LRMDA: variants seen among roughly 807,000 people sequenced by gnomAD.
The protein encoded by LRMDA is leucine rich melanocyte differentiation associated, also known as leucine-rich melanocyte differentiation-associated protein.
A neutral mutation model predicts 29.8 loss-of-function variants in LRMDA; 18 were observed. The observed-to-expected ratio is 0.60, with a 90% CI of 0.42 to 0.90. LRMDA has a LOEUF of 0.90. Ranked by LOEUF, LRMDA falls within the 40% of genes least tolerant of loss-of-function variation. The probability of loss-of-function intolerance (pLI) is 0.00; values close to 1 mark genes in which losing one functional copy is unlikely to be tolerated. For missense variants in LRMDA, 273 were observed against 273.9 expected (o/e 1.00, Z 0.02); for synonymous variants, 125 against 109.4 (o/e 1.14, Z -0.89).
intron 2 of LRMDA, among the ~76,000 whole-genome samples, chr10:75,776,593 C>T (rs956972788): frequency 6.6e-6 from 1 of 152,202 alleles, no homozygotes; most frequent in African/African-American, 2.4e-5. Flanking sequence ...ATATTTGTAT[C>T]AGTTACCAGA....
chr10:76,514,043 T>C (rs1843035690), intron 6 of LRMDA, among the ~76,000 whole-genome samples: 1 of 152,202 alleles, frequency 6.6e-6, no homozygotes, highest in Non-Finnish European at 1.5e-5. Context: ...CCACAGCTTA[T>C]GCTAGAATAG....
At chr10:75,949,863 T>C (rs1486274131) in intron 2 of LRMDA, among the ~76,000 whole-genome samples, 1 of 152,192 alleles carries the variant, frequency 6.6e-6, no homozygotes, top group Non-Finnish European at 1.5e-5. Flanking sequence ...ATTTCCATTT[T>C]GCCCCAAGAT....
intron 2 of LRMDA, among the ~76,000 whole-genome samples, chr10:75,613,657 A>T (rs370950461): frequency 6.6e-6 from 1 of 152,266 alleles, no homozygotes; most frequent in East Asian, 1.9e-4. Flanking sequence ...AAGATTTCTT[A>T]TGCAAAATGG....
At chr10:75,862,608 G>T (rs1312821842) in intron 2 of LRMDA, among the ~76,000 whole-genome samples, 1 of 152,158 alleles carries the variant, frequency 6.6e-6, no homozygotes, top group Non-Finnish European at 1.5e-5. Flanking sequence ...TAATTCAGGG[G>T]AGATTTACTT....
At chr10:75,623,294 TGGGC>T (rs1564525051) in intron 2 of LRMDA, among the ~76,000 whole-genome samples, 1 of 152,130 alleles carries the variant, frequency 6.6e-6, no homozygotes, top group East Asian at 1.9e-4. Context: ...CCCTTGAAAG[TGGGC>T]TCTGCTCCCC....
chr10:75,653,554 C>A (rs1388594839), intron 2 of LRMDA, among the ~76,000 whole-genome samples: 2 of 152,086 alleles, frequency 1.3e-5, no homozygotes, highest in South Asian at 2.1e-4. Flanking sequence ...CAGTTGAATA[C>A]AATATACTGT....
intron 2 of LRMDA, among the ~76,000 whole-genome samples, chr10:75,850,464 T>G (rs1336291347): frequency 6.6e-6 from 1 of 152,186 alleles, no homozygotes; most frequent in Non-Finnish European, 1.5e-5. Context: ...AAAAACATTA[T>G]TTTCTTTCTT....
At chr10:76,144,443 T>C (rs1850270603) in intron 5 of LRMDA, among the ~76,000 whole-genome samples, 1 of 152,128 alleles carries the variant, frequency 6.6e-6, no homozygotes. Context: ...TATTTTATTC[T>C]CTTTGAAACA....
chr10:76,294,436 G>A (rs1023906755), intron 5 of LRMDA, among the ~76,000 whole-genome samples: 10 of 152,098 alleles, frequency 6.6e-5, no homozygotes, highest in South Asian at 2.1e-4. Context: ...CCCAAAGAAC[G>A]TATAAAACAC....
intron 2 of LRMDA, among the ~76,000 whole-genome samples, chr10:75,504,525 A>T (rs1163566058): frequency 1.3e-5 from 2 of 152,162 alleles, no homozygotes; most frequent in Non-Finnish European, 2.9e-5. Flanking sequence ...ACAAATGGAG[A>T]TATTGTAAGA....
At chr10:76,109,296 C>T (rs1298606173) in intron 5 of LRMDA, among the ~76,000 whole-genome samples, 1 of 152,200 alleles carries the variant, frequency 6.6e-6, no homozygotes, top group Non-Finnish European at 1.5e-5. Flanking sequence ...TTTTGGTCTG[C>T]TGGTAAAAGA....
chr10:76,299,156 C>CGGGTGTGTGT (rs1840448030), intron 5 of LRMDA, among the ~76,000 whole-genome samples: 1 of 147,206 alleles, frequency 6.8e-6, no homozygotes, highest in Admixed American at 6.8e-5. Context: ...AGAGAAGAGC[C>CGGGTGTGTGT]GTGTGTGTGT....
intron 2 of LRMDA, among the ~76,000 whole-genome samples, chr10:75,819,517 T>C (rs1844120108): frequency 1.3e-5 from 2 of 152,228 alleles, no homozygotes; most frequent in Admixed American, 1.3e-4. Context: ...ACCTTTAAAA[T>C]TGCCTTACCT....
At chr10:76,409,103 C>A (rs569508985) in intron 6 of LRMDA, among the ~76,000 whole-genome samples, 59 of 152,256 alleles carry the variant, frequency 3.9e-4, no homozygotes, top group African/African-American at 1.3e-3. Flanking sequence ...TGTCACTTGT[C>A]CAGGTGATTT....
At chr10:75,841,823 T>A (rs1253641247) in intron 2 of LRMDA, among the ~76,000 whole-genome samples, 3 of 152,210 alleles carry the variant, frequency 2.0e-5, no homozygotes, top group Non-Finnish European at 4.4e-5. Context: ...CCAGAACTGA[T>A]CTTGGTCTCC....
intron 2 of LRMDA, among the ~76,000 whole-genome samples, chr10:75,556,096 G>A (rs1237812484): frequency 6.6e-6 from 1 of 151,912 alleles, no homozygotes; most frequent in Non-Finnish European, 1.5e-5. Context: ...GGGTGGGGGT[G>A]AATGAAAAAA....
chr10:76,366,555 C>T (rs1292185593), intron 6 of LRMDA, among the ~76,000 whole-genome samples: 2 of 152,086 alleles, frequency 1.3e-5, no homozygotes, highest in Non-Finnish European at 2.9e-5. Context: ...TCTTGGCTTG[C>T]TTGCTGTTGG....
intron 2 of LRMDA, among the ~76,000 whole-genome samples, chr10:75,884,790 AC>A (rs1845355925): frequency 6.6e-6 from 1 of 152,194 alleles, no homozygotes. Context: ...GAGCTTGGGA[AC>A]TGAAGGGGAC....
intron 5 of LRMDA, among the ~76,000 whole-genome samples, chr10:76,134,173 T>G (rs928000780): frequency 6.6e-6 from 1 of 152,220 alleles, no homozygotes; most frequent in Non-Finnish European, 1.5e-5. Context: ...CTGACAAAGA[T>G]GAATCACGGC....
Sources: allele counts gnomAD v4.1 joint callset (sites outside exome capture counted in the v4.1 genomes callset), GRCh38; gene constraint gnomAD v4.1.1; transcripts MANE v1.5; gene names NCBI Gene and HGNC (gene_info 2026-07-23, HGNC 2026-07-21).